Variants in CASD1 observed in about 807,000 individuals in gnomAD.
The protein encoded by CASD1 is N-acetylneuraminate (7)9-O-acetyltransferase.
Under a neutral mutation model 100.0 loss-of-function variants are expected in CASD1, and 41 were observed. The observed-to-expected ratio is 0.41, with a 90% CI of 0.32 to 0.53. The LOEUF (loss-of-function observed/expected upper bound fraction) is 0.53, where lower values mean the gene tolerates loss of function less well. CASD1 is among the 20% of genes least tolerant of loss of function. CASD1 has a pLI of 0.25. For synonymous variants in CASD1, 321 were observed against 315.6 expected (o/e 1.02, Z -0.18); for missense variants, 774 against 948.7 (o/e 0.82, Z 2.42).
At chr7:94,525,778 T>C (rs928783859) in intron 3 of CASD1, among the ~76,000 whole-genome samples, 3 of 152,214 alleles carry the variant, frequency 2.0e-5, no homozygotes, top group African/African-American at 7.2e-5. Flanking sequence ...AGTGATGTTT[T>C]AGAAGCACCA....
the CASD1 span, among the ~76,000 whole-genome samples, chr7:94,565,178 C>G: frequency 6.6e-6 from 1 of 151,742 alleles, no homozygotes; most frequent in Non-Finnish European, 1.5e-5. Flanking sequence ...AACTCTGACA[C>G]TTATGTGCCA....
intron 3 of CASD1, among the ~76,000 whole-genome samples, chr7:94,518,767 A>G (rs1311324758): frequency 2.0e-5 from 3 of 152,020 alleles, no homozygotes; most frequent in Non-Finnish European, 4.4e-5. Flanking sequence ...TATATAATCA[A>G]CTTAAGTATC....
chr7:94,568,645 A>G, the CASD1 span, among the ~76,000 whole-genome samples: 1 of 152,208 alleles, frequency 6.6e-6, no homozygotes, highest in South Asian at 2.1e-4. Flanking sequence ...AGTGGGTGCT[A>G]TGGTCTGAAT....
At chr7:94,563,466 A>AT in the CASD1 span, among the ~76,000 whole-genome samples, 539 of 151,214 alleles carry the variant, frequency 3.6e-3, 7 homozygotes, top group Admixed American at 0.03. Context: ...ATGCCTGCTT[A>AT]TTTTTTTTTA....
chr7:94,514,816 TG>T (rs1436643972), intron 1 of CASD1, among the ~76,000 whole-genome samples: 2 of 152,150 alleles, frequency 1.3e-5, no homozygotes, highest in Non-Finnish European at 2.9e-5. Flanking sequence ...TCTGAACGCC[TG>T]GCAACATTTA....
At chr7:94,574,028 C>G in the CASD1 span, among the ~76,000 whole-genome samples, 3 of 152,134 alleles carry the variant, frequency 2.0e-5, no homozygotes, top group Non-Finnish European at 4.4e-5. Context: ...TGATTAATCA[C>G]ATTTATTGAT....
chr7:94,584,039 C>T, the CASD1 span, among the ~76,000 whole-genome samples: 1 of 152,094 alleles, frequency 6.6e-6, no homozygotes, highest in East Asian at 1.9e-4. Context: ...AGATGCTGGC[C>T]AATGATTTCT....
chr7:94,621,762 A>G, the CASD1 span: 1 of 152,218 alleles, frequency 6.6e-6, no homozygotes, highest in Non-Finnish European at 1.5e-5. Flanking sequence ...TTCCAATTCT[A>G]CAGGGCCAGC....
intron 3 of CASD1, among the ~76,000 whole-genome samples, chr7:94,525,228 G>A (rs1794501600): frequency 6.6e-6 from 1 of 152,144 alleles, no homozygotes; most frequent in Admixed American, 6.5e-5. Context: ...TTTGCTATAA[G>A]ATTGAAAATT....
chr7:94,619,790 T>C, the CASD1 span: 2 of 152,218 alleles, frequency 1.3e-5, no homozygotes, highest in African/African-American at 4.8e-5. Flanking sequence ...CTTGTGTTTT[T>C]CATTGTACTT....
chr7:94,585,402 C>T, the CASD1 span: 1 of 1,073,484 alleles, frequency 9.3e-7, no homozygotes, highest in South Asian at 1.3e-5. Flanking sequence ...ATAACATATG[C>T]CAGAAAAGCT....
chr7:94,583,971 A>G, the CASD1 span, among the ~76,000 whole-genome samples: 3 of 152,184 alleles, frequency 2.0e-5, no homozygotes, highest in Non-Finnish European at 2.9e-5. Context: ...TAAGTCAGAA[A>G]CAAGATCACT....
the CASD1 span, among the ~76,000 whole-genome samples, chr7:94,630,685 C>T: frequency 2.4e-4 from 37 of 151,982 alleles, no homozygotes; most frequent in Admixed American, 7.2e-4. Flanking sequence ...ACATTATTGC[C>T]GTTACTCTTG....
chr7:94,569,349 G>A, the CASD1 span, among the ~76,000 whole-genome samples: 100,522 of 152,078 alleles, frequency 0.66, 34,053 homozygotes, highest in African/African-American at 0.81. Context: ...TGGTAACCAT[G>A]CTATATAACA....
chr7:94,537,113 A>G (rs1795159653), intron 8 of CASD1, among the ~76,000 whole-genome samples: 1 of 152,038 alleles, frequency 6.6e-6, no homozygotes, highest in Non-Finnish European at 1.5e-5. Context: ...ACTAAAGGTC[A>G]CAACCCATTA....
At position 94,509,841 on chromosome 7, in the gene CASD1, C is replaced by T. The variant is rs1793591771; in HGVS notation, c.-244C>T. 1 of 1,005,262 alleles carries T rather than the reference C, an allele frequency of 9.9e-7. No individual in the cohort carries two copies. Among genetic ancestry groups the T allele is most frequent in the East Asian group, 1.0e-4 (1 of 9,536 alleles). 62.3% of individuals were successfully genotyped at this position (1,005,262 alleles called of 1,614,324 possible). ...GCGTCCAGGGCGCCTGGGGAACCGG[C>T]ACGGCGGAGCAGCGGCGGCGGGGCT... On this transcript the variant is annotated 5_prime_UTR_variant, in exon 1 of 18. Coordinates refer to ENST00000297273, the MANE Select transcript of CASD1 (RefSeq NM_022900.5).
chr7:94,578,780 C>G, the CASD1 span, among the ~76,000 whole-genome samples: 23 of 152,136 alleles, frequency 1.5e-4, no homozygotes, highest in Non-Finnish European at 2.8e-4. Flanking sequence ...TAAGTTGATA[C>G]TGGGCAGAAA....
chr7:94,551,402 C>G lies in CASD1; in HGVS notation c.1880C>G (p.Ser627Cys), dbSNP rs1271472274. ...YLALQKRQIL[S>C]EGKGEPLFSN... ...GCTTTGCAGAAGCGTCAAATACTTT[C>G]TGAAGGAAAGGGTGAACCTCTTTTT... Residue 627 changes from serine (S) to cysteine (C), a missense_variant, in exon 15 of 18, where the codon TCT becomes TGT. Transcript: ENST00000297273. The G allele has an allele frequency of 7.1e-6, 11 of 1,557,380 alleles. No individual in the cohort carries two copies. The highest frequency in any genetic ancestry group is 9.5e-6 in the Non-Finnish European group (11 of 1,158,818).
the CASD1 span, among the ~76,000 whole-genome samples, chr7:94,575,610 C>A: frequency 3.2e-4 from 48 of 152,258 alleles, no homozygotes; most frequent in East Asian, 5.4e-3. Flanking sequence ...TAATTTTCTG[C>A]GTCAGTGATC....
Sources: gnomAD v4.1 joint callset for allele counts (sites outside exome capture counted in the v4.1 genomes callset) on GRCh38, gnomAD v4.1.1 for gene constraint, MANE v1.5 for transcripts, NCBI Gene and HGNC (gene_info 2026-07-23, HGNC 2026-07-21) for gene names.